The following SLIT3 variants were observed in gnomAD, a reference collection of about 807,000 sequenced individuals.
SLIT3 encodes the protein slit guidance ligand 3.
In SLIT3, 68 loss-of-function variants were observed where a neutral mutation model predicts 184.0. The observed-to-expected ratio is 0.37, with a 90% confidence interval of 0.30 to 0.45. The LOEUF is 0.45. Ranked by LOEUF, SLIT3 falls within the 20% of genes least tolerant of loss-of-function variation. The pLI is 1.00. For missense variants in SLIT3, 1,707 were observed against 2,026.0 expected (o/e 0.84, Z 3.02); for synonymous variants, 831 against 828.6 (o/e 1.00, Z -0.05).
At chr5:168,708,251 A>G in intron 25 of SLIT3, 151 bp from the exon 26 acceptor site, 1 of 960,774 alleles carries the variant, frequency 1.0e-6, no homozygotes. Flanking sequence ...CAGCCAGCAC[A>G]TCCAGTCCAG....
chr5:168,789,584 T>C lies in SLIT3; in HGVS notation c.1055A>G (p.Gln352Arg). The change falls in exon 11 of 36, where the codon CAG (glutamine) becomes CGG (arginine). Residue 352 changes from glutamine to arginine, a missense_variant. Transcript: ENST00000519560. ...CAGCGATGTGAGTGATTTCAGGCCC[T>C]GGAAGGCATCTGGAGCAATATCCGA... ...QISDIAPDAF[Q>R]GLKSLTSLVL... The C allele has an allele frequency of 3.7e-6, 6 of 1,613,604 alleles. No homozygotes were observed. The highest frequency in any genetic ancestry group is 4.2e-6 in the Non-Finnish European group (5 of 1,179,804).
intron 4 of SLIT3, among the ~76,000 whole-genome samples, chr5:169,007,289 G>A (rs1159069841): frequency 6.6e-6 from 1 of 152,152 alleles, no homozygotes; most frequent in Non-Finnish European, 1.5e-5. Context: ...TGTCTTTAAA[G>A]CAGTGTGAAA....
At chr5:168,801,309 G>C (rs1284540684) in intron 9 of SLIT3, among the ~76,000 whole-genome samples, 1 of 152,174 alleles carries the variant, frequency 6.6e-6, no homozygotes, top group African/African-American at 2.4e-5. Context: ...GGTTTGTTTT[G>C]TTGTGTTTTT....
intron 4 of SLIT3, among the ~76,000 whole-genome samples, chr5:169,094,796 C>G (rs1312294792): frequency 6.6e-6 from 1 of 152,200 alleles, no homozygotes; most frequent in African/African-American, 2.4e-5. Flanking sequence ...GTAAATAAAG[C>G]TTTATTAGAA....
Position 168,671,369 on chromosome 5 carries a change from T to C in SLIT3, c.3956A>G (p.Lys1319Arg). ...CCCCAGGGACTGTGGTGGGAGGGCC[T>C]TGAAGTCCTGCAGCTCGTTGTTGAT... ...VRINNELQDF[K>R]ALPPQSLGVS... is the part of the protein sequence containing the mutation. The change falls in exon 34 of 36, where the codon AAG becomes AGG. Residue 1319 changes from lysine to arginine, a missense_variant. Physicochemically the swap from Lys to Arg is conservative, Grantham distance 26. Transcript: ENST00000519560. 1.2e-6 allele frequency: 2 copies of C among 1,614,172 alleles called. No homozygotes were observed. Among genetic ancestry groups the C allele is most frequent in the African/African-American group, 1.3e-5 (1 of 75,080 alleles).
At chr5:168,909,695 A>G (rs1184656409) in intron 4 of SLIT3, among the ~76,000 whole-genome samples, 1 of 152,220 alleles carries the variant, frequency 6.6e-6, no homozygotes, top group Non-Finnish European at 1.5e-5. Context: ...ATAAGAAGAA[A>G]GAGACACAAA....
At chr5:169,189,744 T>C (rs1296866399) in intron 4 of SLIT3, among the ~76,000 whole-genome samples, 1 of 151,858 alleles carries the variant, frequency 6.6e-6, no homozygotes, top group East Asian at 1.9e-4. Flanking sequence ...AGTAGTTGTA[T>C]GATATTGTTC....
chr5:169,156,340 G>C (rs1762303808), intron 4 of SLIT3, among the ~76,000 whole-genome samples: 1 of 152,186 alleles, frequency 6.6e-6, no homozygotes, highest in Non-Finnish European at 1.5e-5. Context: ...CGTGTACAGG[G>C]CCAAGTAACA....
chr5:169,095,046 C>T (rs1759728871), intron 4 of SLIT3, among the ~76,000 whole-genome samples: 1 of 152,204 alleles, frequency 6.6e-6, no homozygotes, highest in Non-Finnish European at 1.5e-5. Flanking sequence ...TGACTGCTTT[C>T]CTAACAGCTA....
chr5:168,770,291 G>T (rs996269639), intron 14 of SLIT3, among the ~76,000 whole-genome samples: 1 of 152,238 alleles, frequency 6.6e-6, no homozygotes, highest in Non-Finnish European at 1.5e-5. Context: ...AGGAGGGGCA[G>T]GATGTGTTAC....
chr5:168,962,822 C>T (rs953387094), intron 4 of SLIT3, among the ~76,000 whole-genome samples: 1 of 152,174 alleles, frequency 6.6e-6, no homozygotes, highest in South Asian at 2.1e-4. Context: ...GGCCTTTGAA[C>T]CTGTGGTTCT....
intron 1 of SLIT3, among the ~76,000 whole-genome samples, chr5:169,271,563 C>T (rs1295793106): frequency 6.6e-6 from 1 of 152,182 alleles, no homozygotes; most frequent in Non-Finnish European, 1.5e-5. Flanking sequence ...GAGGCAGGGG[C>T]TTTGCAGGAA....
Position 169,066,678 on chromosome 5 carries a change from T to C in SLIT3, c.413+126801A>G, listed in dbSNP as rs572068709. 4.5e-4 allele frequency among the ~76,000 whole-genome samples: 69 copies of C among 152,286 alleles called. 1 individual carries two copies. In the South Asian group the frequency reaches 0.013, roughly 28 times the overall value. ...CATTCTCCACTCCCTTTGACCGGCA[T>C]GTAAAGTTTTCGCCCAAGGAAATCA... On this transcript the variant is annotated intron_variant, in intron 4 of 35. Coordinates refer to ENST00000519560, the MANE Select transcript of SLIT3 (RefSeq NM_003062.4).
chr5:169,236,374 T>C (rs1414973944), intron 3 of SLIT3, among the ~76,000 whole-genome samples: 3 of 152,196 alleles, frequency 2.0e-5, no homozygotes, highest in Non-Finnish European at 4.4e-5. Flanking sequence ...TGTGTGAAAA[T>C]GATTTTAAAA....
chr5:168,806,736 A>T, intron 8 of SLIT3, 149 bp from the exon 9 acceptor site: 1 of 863,574 alleles, frequency 1.2e-6, no homozygotes, highest in Non-Finnish European at 1.8e-6. Context: ...CACCTGGGAG[A>T]CACAGGTGCC....
intron 4 of SLIT3, among the ~76,000 whole-genome samples, chr5:169,167,875 G>A (rs1192394660): frequency 1.3e-5 from 2 of 152,160 alleles, no homozygotes; most frequent in Admixed American, 1.3e-4. Context: ...TCTGGCCACT[G>A]GCCATATGCC....
At chr5:169,225,822 C>A (rs1231649904) in intron 3 of SLIT3, among the ~76,000 whole-genome samples, 1 of 152,152 alleles carries the variant, frequency 6.6e-6, no homozygotes, top group African/African-American at 2.4e-5. Flanking sequence ...AGCACCATGG[C>A]AGGGAACCAA....
intron 5 of SLIT3, among the ~76,000 whole-genome samples, chr5:168,848,594 C>G (rs1277383082): frequency 6.6e-6 from 1 of 151,988 alleles, no homozygotes; most frequent in African/African-American, 2.4e-5. Context: ...CTCTAATTTC[C>G]CCAGGAAGCT....
chr5:168,812,054 A>T (rs961510240), intron 8 of SLIT3, among the ~76,000 whole-genome samples: 1 of 152,238 alleles, frequency 6.6e-6, no homozygotes, highest in African/African-American at 2.4e-5. Flanking sequence ...ATTTGTAGCA[A>T]CATGGATGGA....
Sources: allele counts gnomAD v4.1 joint callset (sites outside exome capture counted in the v4.1 genomes callset), GRCh38; gene constraint gnomAD v4.1.1; transcripts MANE v1.5; gene names NCBI Gene and HGNC (gene_info 2026-07-23, HGNC 2026-07-21).